AKAP6: variants seen among roughly 807,000 people sequenced by gnomAD.
AKAP6 encodes A-kinase anchor protein 6.
In AKAP6, 58 loss-of-function variants were observed where a neutral mutation model predicts 188.5. That is an observed-to-expected ratio of 0.31 (90% CI 0.25 to 0.38). AKAP6 has a LOEUF of 0.38. Among genes scored for constraint, AKAP6 ranks in the 10% least tolerant of loss-of-function variants. The pLI, the probability that AKAP6 is intolerant of heterozygous loss-of-function variation, is 1.00. For missense variants in AKAP6, 2,710 were observed against 2,740.0 expected (o/e 0.99, Z 0.24); for synonymous variants, 989 against 998.6 (o/e 0.99, Z 0.18).
At chr14:32,720,266 T>A (rs112639772) in intron 9 of AKAP6, among the ~76,000 whole-genome samples, 15 of 152,352 alleles carry the variant, frequency 9.8e-5, no homozygotes, top group African/African-American at 2.9e-4. Context: ...ATTCTTCAAA[T>A]TTACAAGGCA....
chr14:32,384,353 C>T (rs1888462939), intron 1 of AKAP6, among the ~76,000 whole-genome samples: 1 of 152,160 alleles, frequency 6.6e-6, no homozygotes, highest in South Asian at 2.1e-4. Flanking sequence ...TCAGGATGAT[C>T]TTAAGACCAC....
intron 4 of AKAP6, among the ~76,000 whole-genome samples, chr14:32,550,066 T>C (rs917462173): frequency 2.6e-5 from 4 of 152,228 alleles, no homozygotes; most frequent in Non-Finnish European, 4.4e-5. Context: ...CATTCAGTGA[T>C]TAAAGCCTGG....
intron 5 of AKAP6, among the ~76,000 whole-genome samples, chr14:32,595,726 A>G (rs1489541457): frequency 6.6e-6 from 1 of 152,064 alleles, no homozygotes; most frequent in Non-Finnish European, 1.5e-5. Flanking sequence ...AAATTTTTTA[A>G]AAAAACTTGA....
At position 32,678,396 on chromosome 14, in the gene AKAP6, G is replaced by A. The variant is rs779022271; in HGVS notation, c.2816G>A (p.Ser939Asn). 2 of 1,613,892 alleles carry A rather than the reference G, an allele frequency of 1.2e-6. No homozygotes were observed. The change falls in exon 8 of 14, where the codon AGC becomes AAC. Residue 939 changes from serine (S) to asparagine (N), a missense_variant. Around this residue, in one of 2 missense-constraint regions of AKAP6, gnomAD observed 2,473 missense variants for 2,426.1 expected, o/e 1.02. Coordinates refer to ENST00000280979, the MANE Select transcript of AKAP6 (RefSeq NM_004274.5). ...AAGCTGTACAGCGAGCAGTATACCAGCAGCAGCAAGCGAAAGGAAGAGTTT... is the reference window on the plus strand; with the variant it reads ...AAGCTGTACAGCGAGCAGTATACCAACAGCAGCAAGCGAAAGGAAGAGTTT... Reference protein sequence around the residue: ...SLKLYSEQYTSSSKRKEEFAD... With the variant: ...SLKLYSEQYTNSSKRKEEFAD...
chr14:32,511,009 T>G (rs902766256), intron 2 of AKAP6, among the ~76,000 whole-genome samples: 2 of 152,198 alleles, frequency 1.3e-5, no homozygotes, highest in Non-Finnish European at 2.9e-5. Flanking sequence ...ATCATCTGTT[T>G]AGAGTGTTAG....
chr14:32,791,239 A>G (rs2033599707), intron 12 of AKAP6, among the ~76,000 whole-genome samples: 1 of 152,142 alleles, frequency 6.6e-6, no homozygotes, highest in Non-Finnish European at 1.5e-5. Context: ...CACCAACAGT[A>G]TAAAAGCGTT....
chr14:32,469,299 A>G (rs187684159), intron 2 of AKAP6, among the ~76,000 whole-genome samples: 1 of 152,322 alleles, frequency 6.6e-6, no homozygotes, highest in Non-Finnish European at 1.5e-5. Context: ...ATGCCAGTGT[A>G]TAACAAACTA....
intron 11 of AKAP6, among the ~76,000 whole-genome samples, chr14:32,741,023 T>A (rs1310029241): frequency 6.6e-6 from 1 of 151,244 alleles, no homozygotes; most frequent in Non-Finnish European, 1.5e-5. Flanking sequence ...TTTTTCTTTT[T>A]TTTTTTTTGT....
intron 8 of AKAP6, among the ~76,000 whole-genome samples, chr14:32,689,694 T>C (rs913781498): frequency 1.3e-5 from 2 of 152,150 alleles, no homozygotes; most frequent in Non-Finnish European, 2.9e-5. Context: ...GTTGGAGATA[T>C]AACAGGCACC....
At chr14:32,786,296 A>ATGTTTTTTTTTTTTTT in intron 12 of AKAP6, among the ~76,000 whole-genome samples, 3,803 of 93,314 alleles carry the variant, frequency 0.041, 1,147 homozygotes, top group Non-Finnish European at 0.053. Context: ...CTAAACCTTT[A>ATGTTTTTTTTTTTTTT]TCTTTTTTTT....
intron 9 of AKAP6, among the ~76,000 whole-genome samples, chr14:32,706,794 A>G (rs771714137): frequency 4.6e-5 from 7 of 152,046 alleles, no homozygotes; most frequent in Non-Finnish European, 7.4e-5. Flanking sequence ...CATTTACATA[A>G]GACACAAAAC....
intron 4 of AKAP6, among the ~76,000 whole-genome samples, chr14:32,573,667 GA>G (rs1388041813): frequency 6.6e-6 from 1 of 152,068 alleles, no homozygotes; most frequent in African/African-American, 2.4e-5. Flanking sequence ...TATGTTAAAT[GA>G]AAAAATAAAT....
At chr14:32,802,111 A>C (rs1245217526) in intron 12 of AKAP6, among the ~76,000 whole-genome samples, 1 of 152,118 alleles carries the variant, frequency 6.6e-6, no homozygotes, top group African/African-American at 2.4e-5. Flanking sequence ...AATTATATGT[A>C]TGTTATACCA....
At chr14:32,553,426 C>T (rs1883563905) in intron 4 of AKAP6, among the ~76,000 whole-genome samples, 1 of 152,114 alleles carries the variant, frequency 6.6e-6, no homozygotes, top group South Asian at 2.1e-4. Context: ...CTTGCCTTGG[C>T]CTCCCGAAGT....
chr14:32,729,866 G>A (rs1046052240), intron 9 of AKAP6, among the ~76,000 whole-genome samples: 2 of 152,060 alleles, frequency 1.3e-5, no homozygotes, highest in Non-Finnish European at 2.9e-5. Context: ...CAGACTACAG[G>A]ACACAATGGG....
chr14:32,740,543 T>A (rs2031626299), intron 11 of AKAP6, among the ~76,000 whole-genome samples: 1 of 152,098 alleles, frequency 6.6e-6, no homozygotes, highest in Non-Finnish European at 1.5e-5. Flanking sequence ...TTTATTTGAT[T>A]TTTGTATATG....
intron 1 of AKAP6, 145 bp from the exon 2 acceptor site, chr14:32,433,315 C>T: frequency 1.6e-6 from 1 of 616,072 alleles, no homozygotes; most frequent in Non-Finnish European, 2.8e-6. Flanking sequence ...AATCAAAACA[C>T]CTCTTTCTGT....
At chr14:32,706,503 C>A (rs1890818087) in intron 9 of AKAP6, among the ~76,000 whole-genome samples, 1 of 152,094 alleles carries the variant, frequency 6.6e-6, no homozygotes, top group African/African-American at 2.4e-5. Flanking sequence ...ATGATTCAAC[C>A]TCCTGGATCC....
At chr14:32,729,522 C>A (rs1321400019) in intron 9 of AKAP6, among the ~76,000 whole-genome samples, 2 of 151,882 alleles carry the variant, frequency 1.3e-5, no homozygotes, top group African/African-American at 4.8e-5. Context: ...TTTTTAACTC[C>A]TTTTTTTAAA....
Sources: allele counts gnomAD v4.1 joint callset (sites outside exome capture counted in the v4.1 genomes callset), GRCh38; gene constraint gnomAD v4.1.1; regional missense constraint gnomAD v4.1.1; transcripts MANE v1.5; gene names NCBI Gene and HGNC (gene_info 2026-07-23, HGNC 2026-07-21).